GATB: variants seen among roughly 807,000 people sequenced by gnomAD.
GATB encodes the protein glutamyl-tRNA(Gln) amidotransferase subunit B, mitochondrial.
In GATB, 39 loss-of-function variants were observed where a neutral mutation model predicts 62.3. The observed-to-expected ratio is 0.63, with a 90% CI of 0.48 to 0.82. GATB has a LOEUF of 0.82. Among genes scored for constraint, GATB ranks in the 40% least tolerant of loss-of-function variants. The pLI is 0.00. For synonymous variants in GATB, 276 were observed against 258.9 expected, an observed-to-expected ratio of 1.07 and a Z score of -0.63; for missense variants, 670 against 684.0, an observed-to-expected ratio of 0.98 and a Z score of 0.23.
At chr4:151,693,509 CCT>C (rs1398193964) in intron 9 of GATB, among the ~76,000 whole-genome samples, 1 of 152,080 alleles carries the variant, frequency 6.6e-6, no homozygotes, top group African/African-American at 2.4e-5. Context: ...ACGACCCCCC[CCT>C]CAAGAGTGTC....
intron 11 of GATB, chr4:151,673,729 C>T (rs1737934715): frequency 6.6e-6 from 1 of 152,176 alleles, no homozygotes; most frequent in African/African-American, 2.4e-5. Flanking sequence ...CTGTTTTCCT[C>T]ATTTCTCTTG....
At chr4:151,742,730 C>CT (rs1378384986) in intron 2 of GATB, among the ~76,000 whole-genome samples, 1 of 152,138 alleles carries the variant, frequency 6.6e-6, no homozygotes, top group Non-Finnish European at 1.5e-5. Context: ...TGCAAAAGTG[C>CT]TTTAAAGAGA....
chr4:151,673,007 T>G, intron 11 of GATB, 111 bp from the exon 12 acceptor site: 3 of 1,349,780 alleles, frequency 2.2e-6, no homozygotes, highest in Non-Finnish European at 3.1e-6. Flanking sequence ...CAGATTCAAT[T>G]AAGTCCCCAC....
Position 151,682,936 on chromosome 4 carries a change from G to A in GATB, c.1332-3045C>T, listed in dbSNP as rs1578897730. Among the ~76,000 whole-genome samples the A allele has an allele frequency of 2.0e-5, 3 of 151,918 alleles. No individual in the cohort carries two copies. In the South Asian group the frequency reaches 6.3e-4, roughly 32 times the overall value. ...CCTTCTGCTCCCCTCCTCTGCACAT[G>A]CCCTCACCTCCCATTTCACAAGGAC... On this transcript the variant is annotated intron_variant, in intron 10 of 12. Coordinates refer to ENST00000263985, the MANE Select transcript of GATB (RefSeq NM_004564.3).
chr4:151,705,198 G>A lies in GATB; in HGVS notation c.949C>T (p.His317Tyr). ...ATGCGAACTCACCCCAGCTTGTGAT[G>A]AAATGAGCGTGTTTCGTTCAGAATT... ...GEILNETRSF[H>Y]HKLGCTMSMR... The change falls in exon 7 of 13, where the codon CAT (histidine) becomes TAT (tyrosine). Residue 317 changes from histidine to tyrosine, a missense_variant. Physicochemically the swap from His to Tyr is moderately conservative, Grantham distance 83 (BLOSUM62 2). Transcript: ENST00000263985. 5.6e-6 allele frequency: 9 copies of A among 1,612,484 alleles called. No individual in the cohort carries two copies. Among genetic ancestry groups the A allele is most frequent in the Non-Finnish European group, 6.8e-6 (8 of 1,178,602 alleles).
chr4:151,753,976 A>C (rs1369078539), intron 2 of GATB, among the ~76,000 whole-genome samples: 1 of 152,050 alleles, frequency 6.6e-6, no homozygotes, highest in Non-Finnish European at 1.5e-5. Flanking sequence ...ACCCCACTCA[A>C]ACTGTTCTTG....
chr4:151,738,191 G>T (rs568510476), intron 2 of GATB, among the ~76,000 whole-genome samples: 75 of 152,314 alleles, frequency 4.9e-4, no homozygotes, highest in Non-Finnish European at 9.0e-4. Context: ...CAAAACAACA[G>T]GGTGGAGCTG....
At chr4:151,671,980 G>A (rs184634902) in intron 12 of GATB, among the ~76,000 whole-genome samples, 3 of 152,312 alleles carry the variant, frequency 2.0e-5, no homozygotes, top group East Asian at 1.9e-4. Flanking sequence ...CTACTGGCAC[G>A]TCTTTATCAG....
chr4:151,737,050 C>G (rs1479125225), intron 2 of GATB, among the ~76,000 whole-genome samples: 1 of 152,138 alleles, frequency 6.6e-6, no homozygotes, highest in Non-Finnish European at 1.5e-5. Context: ...TGGGGTGTTA[C>G]TGAAAAGATA....
intron 9 of GATB, 97 bp from the exon 10 acceptor site, chr4:151,688,860 C>T: frequency 8.5e-7 from 1 of 1,175,956 alleles, no homozygotes; most frequent in South Asian, 1.5e-5. Flanking sequence ...TCTGCCTCCT[C>T]TGAGACAGCC....
At chr4:151,704,804 G>A (rs1264422233) in intron 7 of GATB, among the ~76,000 whole-genome samples, 1 of 138,380 alleles carries the variant, frequency 7.2e-6, no homozygotes, top group African/African-American at 2.7e-5. Context: ...GCTGGAGTGC[G>A]GTGGCAACAT....
intron 4 of GATB, 132 bp from the exon 5 acceptor site, chr4:151,716,263 C>A (rs1051717745): frequency 9.7e-5 from 67 of 691,492 alleles, no homozygotes; most frequent in Non-Finnish European, 1.3e-4. Flanking sequence ...TCAATCATTT[C>A]TCTTCCCTCC....
intron 11 of GATB, chr4:151,677,887 A>C (rs2126954683): frequency 6.6e-6 from 1 of 152,276 alleles, no homozygotes; most frequent in South Asian, 2.1e-4. Context: ...AAAAAAGTAC[A>C]CCATAACTTC....
At chr4:151,689,435 T>G (rs9996320) in intron 9 of GATB, among the ~76,000 whole-genome samples, 65,246 of 151,916 alleles carry the variant, frequency 0.43, 14,861 homozygotes, top group African/African-American at 0.58. Context: ...AGGTACAAGA[T>G]GCCCTGCCTC....
chr4:151,740,112 T>C (rs1165853958), intron 2 of GATB, among the ~76,000 whole-genome samples: 1 of 152,244 alleles, frequency 6.6e-6, no homozygotes, highest in African/African-American at 2.4e-5. Flanking sequence ...GTATGTTCAT[T>C]TCCATCTGTC....
At chr4:151,722,930 G>T (rs1739058870) in intron 2 of GATB, 1 of 152,204 alleles carries the variant, frequency 6.6e-6, no homozygotes, top group Non-Finnish European at 1.5e-5. Flanking sequence ...CTGCAAACTT[G>T]TTTCTGGAAG....
At chr4:151,742,722 CA>C (rs1560864076) in intron 2 of GATB, among the ~76,000 whole-genome samples, 1 of 152,088 alleles carries the variant, frequency 6.6e-6, no homozygotes, top group Non-Finnish European at 1.5e-5. Flanking sequence ...AAAGCCAATG[CA>C]AAAGTGCTTT....
chr4:151,708,195 C>T, intron 5 of GATB, 94 bp from the exon 6 acceptor site: 1 of 796,292 alleles, frequency 1.3e-6, no homozygotes. Flanking sequence ...GCATCTAACT[C>T]TACCTGCTGT....
At chr4:151,696,766 G>A (rs1174462986) in intron 9 of GATB, among the ~76,000 whole-genome samples, 5 of 152,246 alleles carry the variant, frequency 3.3e-5, no homozygotes, top group Non-Finnish European at 5.9e-5. Context: ...TCTGAGTGAA[G>A]TAAAGCACAG....
Sources: gnomAD v4.1 joint callset for allele counts (sites outside exome capture counted in the v4.1 genomes callset) on GRCh38, gnomAD v4.1.1 for gene constraint, MANE v1.5 for transcripts, NCBI Gene and HGNC (gene_info 2026-07-23, HGNC 2026-07-21) for gene names.